NTM: variants seen among roughly 807,000 people sequenced by gnomAD.
The protein encoded by NTM is neurotrimin.
Under a neutral mutation model 42.1 loss-of-function variants are expected in NTM, and 13 were observed. The observed-to-expected ratio is 0.31, with a 90% confidence interval of 0.20 to 0.49. The LOEUF is 0.49. NTM is among the 20% of genes least tolerant of loss of function. The pLI is 0.99. For missense variants in NTM, 373 were observed against 452.8 expected, an observed-to-expected ratio of 0.82 and a Z score of 1.60; for synonymous variants, 187 against 179.2, an observed-to-expected ratio of 1.04 and a Z score of -0.35.
At chr11:132,017,264 A>G (rs746962075) in intron 2 of NTM, among the ~76,000 whole-genome samples, 80 of 151,990 alleles carry the variant, frequency 5.3e-4, no homozygotes, top group Non-Finnish European at 7.7e-4. Context: ...AAATATCACA[A>G]TGTTAGTTCA....
At position 131,738,272 on chromosome 11, in the gene NTM, G is replaced by A. The variant is rs969641564; in HGVS notation, c.83-173292G>A. Among the ~76,000 whole-genome samples, 6 of 152,170 alleles carry A rather than the reference G, an allele frequency of 3.9e-5. No homozygotes were observed. In the East Asian group the frequency reaches 5.8e-4, roughly 15 times the overall value. On this transcript the variant is annotated intron_variant, in intron 1 of 8. Coordinates refer to ENST00000683400, the MANE Select transcript of NTM (RefSeq NM_001352005.2). ...TTGCCACAGTGTGGGGGTGAATGGCGGTGGCTCTGGGGTACCCCTCATCCT... is the reference window on the plus strand; with the variant it reads ...TTGCCACAGTGTGGGGGTGAATGGCAGTGGCTCTGGGGTACCCCTCATCCT...
intron 2 of NTM, among the ~76,000 whole-genome samples, chr11:131,985,920 G>A (rs147801251): frequency 6.6e-6 from 1 of 152,164 alleles, no homozygotes; most frequent in Non-Finnish European, 1.5e-5. Flanking sequence ...AGTGTTCCAC[G>A]AGTGTTTGCT....
intron 1 of NTM, among the ~76,000 whole-genome samples, chr11:131,654,359 A>T (rs2066901697): frequency 6.6e-6 from 1 of 152,136 alleles, no homozygotes; most frequent in African/African-American, 2.4e-5. Context: ...GTCCCAGGGA[A>T]GCCTGGGAGG....
chr11:132,317,519 CCTT>C, intron 7 of NTM: 1 of 378,336 alleles, frequency 2.6e-6, no homozygotes, highest in South Asian at 2.7e-5. Flanking sequence ...TTTCTGTCTT[CCTT>C]TTTTTTATAT....
chr11:131,624,927 A>G (rs1419906324), intron 1 of NTM, among the ~76,000 whole-genome samples: 2 of 152,200 alleles, frequency 1.3e-5, no homozygotes, highest in Non-Finnish European at 2.9e-5. Flanking sequence ...CTGCATTCAT[A>G]TACCTAAAGC....
chr11:131,643,240 G>A (rs918095402), intron 1 of NTM, among the ~76,000 whole-genome samples: 3 of 152,222 alleles, frequency 2.0e-5, no homozygotes, highest in Non-Finnish European at 2.9e-5. Context: ...ACAGCTCAGA[G>A]TGAGTTAAGG....
intron 4 of NTM, among the ~76,000 whole-genome samples, chr11:132,297,679 G>T: frequency 6.6e-6 from 1 of 152,224 alleles, no homozygotes; most frequent in Non-Finnish European, 1.5e-5. Context: ...ATGTTCTTTT[G>T]CCTATCATCA....
intron 1 of NTM, among the ~76,000 whole-genome samples, chr11:131,543,431 AC>A (rs2053538437): frequency 6.6e-6 from 1 of 152,132 alleles, no homozygotes; most frequent in African/African-American, 2.4e-5. Context: ...CCCAAGACCC[AC>A]AGAAGAGCAG....
At chr11:131,574,992 T>C (rs1402081438) in intron 1 of NTM, among the ~76,000 whole-genome samples, 3 of 152,198 alleles carry the variant, frequency 2.0e-5, no homozygotes, top group Non-Finnish European at 4.4e-5. Flanking sequence ...TGGAAGAGAC[T>C]TTAGACAGCA....
intron 3 of NTM, among the ~76,000 whole-genome samples, chr11:132,193,726 G>A (rs2079688145): frequency 6.6e-6 from 1 of 151,342 alleles, no homozygotes; most frequent in Admixed American, 6.6e-5. Context: ...AAAACTAAAA[G>A]TTAAGATTAT....
At chr11:131,470,058 G>T (rs760598074) in intron 1 of NTM, among the ~76,000 whole-genome samples, 6 of 152,174 alleles carry the variant, frequency 3.9e-5, no homozygotes, top group Non-Finnish European at 7.4e-5. Context: ...GGAATAGCTT[G>T]CACCTGTGTG....
intron 2 of NTM, among the ~76,000 whole-genome samples, chr11:131,929,369 G>C (rs1451666791): frequency 1.3e-5 from 2 of 152,222 alleles, no homozygotes; most frequent in Non-Finnish European, 2.9e-5. Flanking sequence ...ACAGGCCTTG[G>C]TGATGGCTTT....
chr11:131,936,667 G>A (rs954354621), intron 2 of NTM, among the ~76,000 whole-genome samples: 2 of 152,068 alleles, frequency 1.3e-5, no homozygotes, highest in Non-Finnish European at 2.9e-5. Flanking sequence ...AAAAAACTAC[G>A]CACATGCATA....
intron 1 of NTM, among the ~76,000 whole-genome samples, chr11:131,583,001 A>G (rs1178949065): frequency 1.3e-5 from 2 of 152,168 alleles, no homozygotes; most frequent in Non-Finnish European, 1.5e-5. Flanking sequence ...ATGGCTCCGA[A>G]TGCTGCTTGG....
intron 1 of NTM, among the ~76,000 whole-genome samples, chr11:131,609,466 T>G (rs2061296012): frequency 6.6e-6 from 1 of 152,226 alleles, no homozygotes; most frequent in South Asian, 2.1e-4. Context: ...CTTCTCCATC[T>G]CTTATTTCAA....
At chr11:131,643,294 C>T (rs1025736284) in intron 1 of NTM, among the ~76,000 whole-genome samples, 3 of 152,240 alleles carry the variant, frequency 2.0e-5, no homozygotes, top group African/African-American at 7.2e-5. Flanking sequence ...TGACACTTTC[C>T]ATGTGCCTGC....
intron 1 of NTM, among the ~76,000 whole-genome samples, chr11:131,566,042 G>T (rs779697671): frequency 6.6e-6 from 1 of 152,186 alleles, no homozygotes; most frequent in Non-Finnish European, 1.5e-5. Flanking sequence ...ATGTGATGTC[G>T]ATATGAGATG....
At chr11:131,421,122 A>G (rs938352513) in intron 1 of NTM, among the ~76,000 whole-genome samples, 5 of 152,222 alleles carry the variant, frequency 3.3e-5, no homozygotes, top group African/African-American at 9.6e-5. Context: ...GAAGCATGCC[A>G]TCTTATTAAC....
At chr11:131,508,441 T>C (rs1330291146) in intron 1 of NTM, among the ~76,000 whole-genome samples, 3 of 148,482 alleles carry the variant, frequency 2.0e-5, no homozygotes, top group South Asian at 2.2e-4. Flanking sequence ...TTGGTGGGAC[T>C]GTAAACTAGT....
Sources: gnomAD v4.1 joint callset for allele counts (sites outside exome capture counted in the v4.1 genomes callset) on GRCh38, gnomAD v4.1.1 for gene constraint, MANE v1.5 for transcripts, NCBI Gene and HGNC (gene_info 2026-07-23, HGNC 2026-07-21) for gene names.